Variants in RNLS observed in about 807,000 individuals in gnomAD.
The protein encoded by RNLS is renalase, FAD dependent amine oxidase.
Under a neutral mutation model 39.8 loss-of-function variants are expected in RNLS, and 39 were observed. The ratio of observed to expected loss-of-function variants is 0.98; its 90% CI spans 0.76 to 1.28. The LOEUF (loss-of-function observed/expected upper bound fraction) is 1.28, where lower values mean the gene tolerates loss of function less well. Among genes scored for constraint, RNLS ranks in the 50% most tolerant of loss-of-function variants. The probability of loss-of-function intolerance (pLI) is 0.00; values close to 1 mark genes in which losing one functional copy is unlikely to be tolerated. For missense variants in RNLS, 410 were observed against 413.3 expected, an observed-to-expected ratio of 0.99 and a Z score of 0.07; for synonymous variants, 147 against 150.7, an observed-to-expected ratio of 0.98 and a Z score of 0.18.
chr10:88,269,173 G>A (rs1421324533), downstream of RNLS, among the ~76,000 whole-genome samples: 1 of 152,154 alleles, frequency 6.6e-6, no homozygotes, highest in Non-Finnish European at 1.5e-5. Context: ...AAATCTTTCA[G>A]ACTTCTTTGG....
intron 4 of RNLS, among the ~76,000 whole-genome samples, chr10:88,558,352 T>C (rs1848984077): frequency 1.3e-5 from 2 of 152,164 alleles, no homozygotes; most frequent in African/African-American, 4.8e-5. Context: ...GAAGTGGTTG[T>C]GAAGGGTAAA....
chr10:88,567,489 T>C (rs531773176), intron 4 of RNLS, among the ~76,000 whole-genome samples: 8 of 152,244 alleles, frequency 5.3e-5, no homozygotes, highest in Non-Finnish European at 1.0e-4. Context: ...TCCTGACTGA[T>C]GGCTACACTG....
At chr10:88,581,803 A>G in intron 2 of RNLS, 94 bp from the exon 3 acceptor site, 1 of 817,662 alleles carries the variant, frequency 1.2e-6, no homozygotes, top group South Asian at 3.6e-5. Context: ...AGAGGTTATA[A>G]TTCAAAATCA....
chr10:88,378,290 A>G (rs1391611708), intron 4 of RNLS, among the ~76,000 whole-genome samples: 1 of 152,108 alleles, frequency 6.6e-6, no homozygotes, highest in Non-Finnish European at 1.5e-5. Flanking sequence ...AGTACCTCAA[A>G]AGGAAGGCCT....
intron 4 of RNLS, among the ~76,000 whole-genome samples, chr10:88,425,256 A>C (rs1048857037): frequency 6.6e-5 from 10 of 152,182 alleles, no homozygotes; most frequent in African/African-American, 2.4e-4. Context: ...TAAAATAAAC[A>C]ATTCTTCAGT....
intron 4 of RNLS, among the ~76,000 whole-genome samples, chr10:88,444,046 A>C (rs1841891675): frequency 6.6e-6 from 1 of 152,240 alleles, no homozygotes; most frequent in Admixed American, 6.5e-5. Context: ...CTGAACCCCG[A>C]GTAGCCTAAC....
the RNLS span, among the ~76,000 whole-genome samples, chr10:88,192,466 C>T: frequency 6.6e-6 from 1 of 152,198 alleles, no homozygotes; most frequent in Non-Finnish European, 1.5e-5. Context: ...AAGTCAGACA[C>T]ATCTTTTTCT....
chr10:88,502,331 C>CG (rs1181783243), intron 4 of RNLS, among the ~76,000 whole-genome samples: 181 of 1,616 alleles, frequency 0.11, no homozygotes, highest in Non-Finnish European at 0.098. Flanking sequence ...GGGAGGTGGG[C>CG]GGGGGGGCGG....
chr10:88,237,672 T>C, the RNLS span, among the ~76,000 whole-genome samples: 4 of 152,214 alleles, frequency 2.6e-5, no homozygotes, highest in Non-Finnish European at 5.9e-5. Flanking sequence ...ATGATGCTTT[T>C]TGTGTACTGC....
At chr10:88,353,358 A>C (rs551387578) in intron 5 of RNLS, among the ~76,000 whole-genome samples, 151 of 151,810 alleles carry the variant, frequency 9.9e-4, no homozygotes, top group African/African-American at 3.3e-3. Flanking sequence ...AGTGCTATAA[A>C]TTTCCCTCTA....
At chr10:88,172,470 T>C in the RNLS span, among the ~76,000 whole-genome samples, 1 of 152,228 alleles carries the variant, frequency 6.6e-6, no homozygotes, top group Non-Finnish European at 1.5e-5. Flanking sequence ...GCAATTTGTA[T>C]ATTTTCATTT....
At chr10:88,408,262 A>G (rs1481486102) in intron 4 of RNLS, among the ~76,000 whole-genome samples, 2 of 151,908 alleles carry the variant, frequency 1.3e-5, no homozygotes, top group East Asian at 3.9e-4. Flanking sequence ...TGTTTCCTCT[A>G]TAAGCATTAT....
At chr10:88,309,458 T>G in intron 6 of RNLS, 1 of 1,289,768 alleles carries the variant, frequency 7.8e-7, no homozygotes, top group Middle Eastern at 2.1e-4. Flanking sequence ...GCACATCCAC[T>G]TCCCCCACCA....
At position 88,392,293 on chromosome 10, in the gene RNLS, A is replaced by T. The variant is rs146363440; in HGVS notation, c.527-29568T>A. On this transcript the variant is annotated intron_variant, in intron 4 of 6. Coordinates refer to ENST00000331772, the MANE Select transcript of RNLS (RefSeq NM_001031709.3). ...AAAAGCACAGACATAATGCTGGGAA[A>T]CTAGAAGTACAAGTTCATGTGTAGG... 5.0e-3 allele frequency among the ~76,000 whole-genome samples: 765 copies of T among 152,328 alleles called. 8 individuals carry two copies. The highest frequency in any genetic ancestry group is 0.018 in the African/African-American group (728 of 41,574).
intron 4 of RNLS, among the ~76,000 whole-genome samples, chr10:88,488,774 T>G (rs1485326093): frequency 6.6e-6 from 1 of 152,166 alleles, no homozygotes; most frequent in African/African-American, 2.4e-5. Context: ...CGTTATTATG[T>G]AAAAGCGGAA....
At chr10:88,347,203 G>A (rs367887600) in intron 5 of RNLS, among the ~76,000 whole-genome samples, 9 of 152,134 alleles carry the variant, frequency 5.9e-5, no homozygotes, top group Admixed American at 4.6e-4. Flanking sequence ...ATGAAAACCA[G>A]GCACTTATCT....
the RNLS span, among the ~76,000 whole-genome samples, chr10:88,266,313 A>G: frequency 6.6e-6 from 1 of 152,192 alleles, no homozygotes; most frequent in Non-Finnish European, 1.5e-5. Context: ...AGAAAGAAAC[A>G]TAGGGCAGTG....
At chr10:88,227,314 A>G in the RNLS span, among the ~76,000 whole-genome samples, 151 of 152,346 alleles carry the variant, frequency 9.9e-4, no homozygotes, top group African/African-American at 3.4e-3. Flanking sequence ...GTAGAAACAT[A>G]GAACAATATC....
downstream of RNLS, among the ~76,000 whole-genome samples, chr10:88,279,311 A>C (rs894958776): frequency 6.6e-6 from 1 of 152,194 alleles, no homozygotes. Context: ...CCTAAATCAT[A>C]TTTTACTATT....
Sources: gnomAD v4.1 joint callset for allele counts (sites outside exome capture counted in the v4.1 genomes callset) on GRCh38, gnomAD v4.1.1 for gene constraint, MANE v1.5 for transcripts, NCBI Gene and HGNC (gene_info 2026-07-23, HGNC 2026-07-21) for gene names.